The following CUL2 variants were observed in gnomAD, a reference collection of about 807,000 sequenced individuals.
The protein encoded by CUL2 is cullin-2.
CUL2 carries 22 observed loss-of-function variants against 110.2 expected under a neutral mutation model. The ratio of observed to expected loss-of-function variants is 0.20; its 90% confidence interval spans 0.14 to 0.28. CUL2 has a LOEUF of 0.28. CUL2 is among the 10% of genes least tolerant of loss of function. CUL2 has a pLI of 1.00. For synonymous variants in CUL2, 279 were observed against 293.2 expected, an observed-to-expected ratio of 0.95 and a Z score of 0.49; for missense variants, 631 against 905.5, an observed-to-expected ratio of 0.70 and a Z score of 3.89.
intron 8 of CUL2, among the ~76,000 whole-genome samples, chr10:35,042,066 T>A (rs2085806920): frequency 6.6e-6 from 1 of 152,184 alleles, no homozygotes; most frequent in Admixed American, 6.5e-5. Flanking sequence ...TCAGTGGCAT[T>A]AAATAACGCT....
intron 3 of CUL2, among the ~76,000 whole-genome samples, chr10:35,062,197 T>G (rs2086400882): frequency 6.6e-6 from 1 of 152,188 alleles, no homozygotes; most frequent in Admixed American, 6.5e-5. Context: ...TATACACAGA[T>G]CATGTCTGTG....
At chr10:35,059,882 CAT>C in intron 4 of CUL2, among the ~76,000 whole-genome samples, 1 of 152,304 alleles carries the variant, frequency 6.6e-6, no homozygotes, top group South Asian at 2.1e-4. Context: ...CTAACTAACT[CAT>C]ATCATTTTAC....
At position 35,010,240 on chromosome 10, in the gene CUL2, C is replaced by T; in HGVS notation, c.*71G>A. 1 of 1,449,692 alleles carries T rather than the reference C, an allele frequency of 6.9e-7. No individual in the cohort carries two copies. The highest frequency in any genetic ancestry group is 1.6e-5 in the South Asian group (1 of 64,064). The allele number at this position is 1,449,692 out of a possible 1,614,324, so 89.8% of individuals were successfully genotyped here. A position where few individuals can be genotyped will look rare whatever the true frequency, so the allele number is the denominator to read the frequency against. Reference sequence around the variant, plus strand: ...ACCAAATTATGGAGGCACAGTCCTGCTTTTTCCCACAGGAACACACCAAAT... The same window carrying T: ...ACCAAATTATGGAGGCACAGTCCTGTTTTTTCCCACAGGAACACACCAAAT... On this transcript the variant is annotated 3_prime_UTR_variant, in exon 21 of 21. Coordinates refer to ENST00000374749, the MANE Select transcript of CUL2 (RefSeq NM_003591.4).
At chr10:35,125,061 C>G (rs1343718895) in intron 1 of CUL2, among the ~76,000 whole-genome samples, 2 of 152,100 alleles carry the variant, frequency 1.3e-5, no homozygotes, top group African/African-American at 4.8e-5. Flanking sequence ...TACAATAATC[C>G]TAACAGGTAG....
At chr10:35,014,773 C>T (rs1234615961) in intron 18 of CUL2, among the ~76,000 whole-genome samples, 1 of 152,092 alleles carries the variant, frequency 6.6e-6, no homozygotes, top group Non-Finnish European at 1.5e-5. Flanking sequence ...GTGGGGATTG[C>T]AGTGAGCTGA....
intron 1 of CUL2, among the ~76,000 whole-genome samples, chr10:35,109,329 A>C (rs2087500744): frequency 6.6e-6 from 1 of 152,208 alleles, no homozygotes; most frequent in Non-Finnish European, 1.5e-5. Flanking sequence ...TCAATCTTTC[A>C]TTCCTTGATT....
intron 1 of CUL2, among the ~76,000 whole-genome samples, chr10:35,072,584 G>A (rs1010909122): frequency 6.6e-6 from 1 of 152,068 alleles, no homozygotes; most frequent in African/African-American, 2.4e-5. Context: ...TAGCCAGGAT[G>A]GCCTTCATCT....
At position 35,044,854 on chromosome 10, in the gene CUL2, TCTC is replaced by T. The variant is rs1173525826; in HGVS notation, c.518_520del (p.Gly173del). On this transcript the variant is annotated inframe_deletion, in exon 7 of 21. Coordinates refer to ENST00000374749, the MANE Select transcript of CUL2 (RefSeq NM_003591.4). ...ATGGATTACTTTCTGGTTTGGGTCT[TCTC>T]CACCACGATCACTAAAACAAGGTAT... The T allele has an allele frequency of 6.2e-7, 1 of 1,612,422 alleles. No homozygotes were observed. The highest frequency in any genetic ancestry group is 8.5e-7 in the Non-Finnish European group (1 of 1,178,994).
chr10:35,038,565 T>C (rs1180174408), intron 9 of CUL2, among the ~76,000 whole-genome samples: 1 of 148,466 alleles, frequency 6.7e-6, no homozygotes, highest in Admixed American at 6.7e-5. Flanking sequence ...ATATAGCTGA[T>C]TTTTTATATT....
At chr10:35,108,018 AT>A (rs1280106938) in intron 1 of CUL2, among the ~76,000 whole-genome samples, 1 of 150,762 alleles carries the variant, frequency 6.6e-6, no homozygotes, top group African/African-American at 2.4e-5. Flanking sequence ...CATTGCAATT[AT>A]TTAGGCAAGG....
At chr10:35,037,571 G>A (rs2085654433) in intron 9 of CUL2, among the ~76,000 whole-genome samples, 2 of 152,230 alleles carry the variant, frequency 1.3e-5, no homozygotes, top group Non-Finnish European at 2.9e-5. Context: ...CGGGGCCAAG[G>A]GTGGTGGCTC....
At chr10:35,020,805 T>C (rs540923408) in intron 17 of CUL2, among the ~76,000 whole-genome samples, 3 of 152,308 alleles carry the variant, frequency 2.0e-5, no homozygotes, top group African/African-American at 7.2e-5. Context: ...ATCCAAAGCC[T>C]TAGTCATAAA....
chr10:35,032,242 T>TA (rs1478175218), intron 12 of CUL2, among the ~76,000 whole-genome samples, 193 bp downstream of exon 12: 1 of 152,214 alleles, frequency 6.6e-6, no homozygotes, highest in African/African-American at 2.4e-5. Flanking sequence ...CCAAACTTTG[T>TA]AAAATGGTTA....
Position 35,016,161 on chromosome 10 carries a change from T to C in CUL2, c.1887+31A>G, listed in dbSNP as rs781732908. Reference sequence around the variant, plus strand: ...CATGAAAAAGCTTTAATGCTGATGATGCTTAAATTCTTTGGAATATTACTA... The same window carrying C: ...CATGAAAAAGCTTTAATGCTGATGACGCTTAAATTCTTTGGAATATTACTA... On this transcript the variant is annotated intron_variant, in intron 18 of 20. Transcript: ENST00000374749. 4.5e-6 allele frequency: 7 copies of C among 1,561,510 alleles called. No individual in the cohort carries two copies. In the African/African-American group the frequency reaches 8.1e-5, roughly 18 times the overall value.
At chr10:35,022,994 G>A (rs1174745331) in intron 17 of CUL2, among the ~76,000 whole-genome samples, 23 of 152,166 alleles carry the variant, frequency 1.5e-4, no homozygotes, top group African/African-American at 4.1e-4. Flanking sequence ...GCAGTGAGCC[G>A]AGATCGCCAC....
chr10:35,110,776 T>C (rs1469782623), intron 1 of CUL2, among the ~76,000 whole-genome samples: 11 of 152,100 alleles, frequency 7.2e-5, no homozygotes, highest in Admixed American at 7.2e-4. Flanking sequence ...CGTATCCCCC[T>C]CTTATAATTA....
chr10:35,010,946 G>A (rs2084884510), intron 20 of CUL2, among the ~76,000 whole-genome samples: 1 of 152,156 alleles, frequency 6.6e-6, no homozygotes, highest in Non-Finnish European at 1.5e-5. Context: ...CTATCACATG[G>A]TAGGCTCAGA....
intron 1 of CUL2, among the ~76,000 whole-genome samples, chr10:35,086,523 G>C (rs771565008): frequency 1.3e-5 from 2 of 152,060 alleles, no homozygotes; most frequent in Non-Finnish European, 2.9e-5. Flanking sequence ...CTGGGCTCAA[G>C]TGATCCACCC....
intron 1 of CUL2, among the ~76,000 whole-genome samples, chr10:35,106,955 T>C (rs1304547935): frequency 6.6e-6 from 1 of 151,732 alleles, no homozygotes; most frequent in Non-Finnish European, 1.5e-5. Context: ...TAACCTGTTT[T>C]TTTTTGTTGT....
Sources: allele counts gnomAD v4.1 joint callset (sites outside exome capture counted in the v4.1 genomes callset), GRCh38; gene constraint gnomAD v4.1.1; transcripts MANE v1.5; gene names NCBI Gene and HGNC (gene_info 2026-07-23, HGNC 2026-07-21).